Variants in NADK2 observed in about 807,000 individuals in gnomAD.
NADK2 encodes NAD kinase 2, mitochondrial.
Under a neutral mutation model 62.1 loss-of-function variants are expected in NADK2, and 35 were observed. The observed-to-expected ratio is 0.56, with a 90% CI of 0.43 to 0.75. NADK2 has a LOEUF of 0.75. Among genes scored for constraint, NADK2 ranks in the 30% least tolerant of loss-of-function variants. The pLI is 0.00. For missense variants in NADK2, 439 were observed against 561.3 expected (o/e 0.78, Z 2.20); for synonymous variants, 205 against 207.9 (o/e 0.99, Z 0.12).
chr5:36,241,838 C>CA lies in NADK2; in HGVS notation c.-41_-40insT. On this transcript the variant is annotated 5_prime_UTR_variant, in exon 1 of 12. The change creates a new upstream start codon in the 5' untranslated region. Transcript: ENST00000381937. The surrounding 1 kb of genome is among the most constrained non-coding windows in gnomAD (Gnocchi z 4.9). Reference sequence around the variant, plus strand: ...CGGCCGCGGGCTTGGGCTCGGGCCCCTTGCCTCAGCTCCCTACCGCCGGGA... The same window carrying CA: ...CGGCCGCGGGCTTGGGCTCGGGCCCCATTGCCTCAGCTCCCTACCGCCGGGA... 1.6e-6 allele frequency: 2 copies of CA among 1,257,400 alleles called. No individual in the cohort carries two copies. Among genetic ancestry groups the CA allele is most frequent in the Non-Finnish European group, 2.0e-6 (2 of 1,001,850 alleles). The allele number at this position is 1,257,400 out of a possible 1,614,324, so 77.9% of individuals were successfully genotyped here. A position where few individuals can be genotyped will look rare whatever the true frequency, so the allele number is the denominator to read the frequency against.
At chr5:36,223,138 G>A (rs1420115503) in intron 4 of NADK2, among the ~76,000 whole-genome samples, 1 of 151,922 alleles carries the variant, frequency 6.6e-6, no homozygotes, top group African/African-American at 2.4e-5. Flanking sequence ...GCTAAAACCA[G>A]GAAAGTTCCA....
Position 36,200,472 on chromosome 5 carries a change from G to GC in NADK2, c.1013-193dup, listed in dbSNP as rs796982658. Among the ~76,000 whole-genome samples, 35 of 151,588 alleles carry GC rather than the reference G, an allele frequency of 2.3e-4. No homozygotes were observed. In the East Asian group the frequency reaches 3.3e-3, roughly 14 times the overall value. On this transcript the variant is annotated intron_variant, in intron 9 of 11. Coordinates refer to ENST00000381937, the MANE Select transcript of NADK2 (RefSeq NM_001085411.3). ...AGCATATTATCATAAATAAACAGTAGCCCCCCCTCGCCCTTATTAGCACTT... is the reference window on the plus strand; with the variant it reads ...AGCATATTATCATAAATAAACAGTAGCCCCCCCCTCGCCCTTATTAGCACTT...
chr5:36,224,502 T>A (rs569669792), intron 4 of NADK2, among the ~76,000 whole-genome samples: 7 of 148,298 alleles, frequency 4.7e-5, no homozygotes, highest in South Asian at 2.1e-4. Flanking sequence ...GGTTGCAGTG[T>A]GCTGAGAGTG....
In NADK2 at chr5:36,193,125, T is replaced by C. The variant is rs896854525; in HGVS notation, c.*2019A>G. 3.3e-5 allele frequency: 5 copies of C among 152,266 alleles called. No individual in the cohort carries two copies. Among genetic ancestry groups the C allele is most frequent in the Middle Eastern group, 3.4e-3 (1 of 294 alleles). The allele number at this position is 152,266 out of a possible 1,614,324, so 9.4% of individuals were successfully genotyped here. A position where few individuals can be genotyped will look rare whatever the true frequency, so the allele number is the denominator to read the frequency against. On this transcript the variant is annotated 3_prime_UTR_variant, in exon 12 of 12. Coordinates refer to ENST00000381937, the MANE Select transcript of NADK2 (RefSeq NM_001085411.3). ...TATTAATATGTTACATATTAACAGA[T>C]CTATTTGGACAATCAGATTTCCTTG...
At chr5:36,213,636 T>TATATATATA (rs1554008804) in intron 6 of NADK2, among the ~76,000 whole-genome samples, 1 of 146,926 alleles carries the variant, frequency 6.8e-6, no homozygotes, top group East Asian at 1.9e-4. Context: ...TATATATGGA[T>TATATATATA]TTGATATGTT....
chr5:36,200,677 C>T (rs1215706134), intron 9 of NADK2, among the ~76,000 whole-genome samples: 1 of 151,962 alleles, frequency 6.6e-6, no homozygotes, highest in Non-Finnish European at 1.5e-5. Flanking sequence ...ATGAGTCATC[C>T]TTTTGTCCAG....
rs999584451 is a variant in NADK2, at chr5:36,241,245, C to T, written c.300+254G>A. On this transcript the variant is annotated intron_variant, in intron 1 of 11. Coordinates refer to ENST00000381937, the MANE Select transcript of NADK2 (RefSeq NM_001085411.3). This position sits in a 1 kb window ranked among gnomAD's most constrained non-coding sequence, Gnocchi z 4.9. ...CTTCGCCCTCCCCGCGGCGCCCCTG[C>T]CTCCTAAGTCCCTGCATGAACCACT... 2 of 577,546 alleles carry T rather than the reference C, an allele frequency of 3.5e-6. No homozygotes were observed. Among genetic ancestry groups the T allele is most frequent in the Non-Finnish European group, 5.0e-6 (2 of 402,364 alleles). 35.8% of individuals were successfully genotyped at this position (577,546 alleles called of 1,614,324 possible). A position where few individuals can be genotyped will look rare whatever the true frequency, so the allele number is the denominator to read the frequency against.
chr5:36,238,716 G>A (rs1198284272), intron 1 of NADK2, among the ~76,000 whole-genome samples: 1 of 152,114 alleles, frequency 6.6e-6, no homozygotes, highest in Non-Finnish European at 1.5e-5. Context: ...CCTTTGAAAG[G>A]TCATGAGACA....
intron 1 of NADK2, among the ~76,000 whole-genome samples, chr5:36,239,502 G>C (rs1361928274): frequency 6.6e-6 from 1 of 152,064 alleles, no homozygotes; most frequent in Non-Finnish European, 1.5e-5. Flanking sequence ...CTTCAAAGCT[G>C]GCTTATCCCA....
chr5:36,215,923 A>C (rs1747025500), intron 6 of NADK2, among the ~76,000 whole-genome samples: 1 of 152,134 alleles, frequency 6.6e-6, no homozygotes, highest in African/African-American at 2.4e-5. Flanking sequence ...TCTCTTTGCT[A>C]TACTGATTTC....
At chr5:36,215,755 T>C (rs1747018898) in intron 6 of NADK2, among the ~76,000 whole-genome samples, 1 of 152,240 alleles carries the variant, frequency 6.6e-6, no homozygotes, top group South Asian at 2.1e-4. Flanking sequence ...GTTCCATTCA[T>C]GTTGCTGCAA....
chr5:36,201,940 T>C (rs1746464494), intron 8 of NADK2, among the ~76,000 whole-genome samples: 1 of 152,066 alleles, frequency 6.6e-6, no homozygotes, highest in East Asian at 1.9e-4. Context: ...AAAGGTTGTT[T>C]TTTTAAAAAA....
chr5:36,235,009 C>G (rs1747849322), intron 1 of NADK2, among the ~76,000 whole-genome samples: 1 of 152,148 alleles, frequency 6.6e-6, no homozygotes, highest in Admixed American at 6.5e-5. Context: ...CAGGATCCAG[C>G]AGGATGCCTA....
Position 36,197,606 on chromosome 5 carries a change from G to A in NADK2, c.1125C>T (p.Phe375=). The change falls in exon 11 of 12, where the codon TTC becomes TTT. Residue 375 remains phenylalanine (F), a synonymous_variant. Transcript: ENST00000381937. ...LYSPEEPKIL[F]SIREPIANRV... is the part of the protein sequence containing the mutation. ...TATTTGCTATTGGTTCTCGAATACTGAAAAGTATTTTTGGTTCTTCCGGAC... is the reference window on the plus strand; with the variant it reads ...TATTTGCTATTGGTTCTCGAATACTAAAAAGTATTTTTGGTTCTTCCGGAC... The A allele has an allele frequency of 1.9e-6, 3 of 1,610,932 alleles. No homozygotes were observed. The highest frequency in any genetic ancestry group is 2.5e-6 in the Non-Finnish European group (3 of 1,178,360).
Position 36,194,978 on chromosome 5 carries a change from CT to C in NADK2, c.*165del. ...ATCCATTTTCTTATACAGTGAATGT[CT>C]TTTTTTCTATCAGAATCCAACAGAA... On this transcript the variant is annotated 3_prime_UTR_variant, in exon 12 of 12. Coordinates refer to ENST00000381937, the MANE Select transcript of NADK2 (RefSeq NM_001085411.3). 9 of 663,530 alleles carry C rather than the reference CT, an allele frequency of 1.4e-5. No individual in the cohort carries two copies. Among genetic ancestry groups the C allele is most frequent in the Non-Finnish European group, 1.7e-5 (7 of 419,792 alleles). 41.1% of individuals were successfully genotyped at this position (663,530 alleles called of 1,614,324 possible).
intron 6 of NADK2, among the ~76,000 whole-genome samples, chr5:36,213,864 C>A (rs188314733): frequency 1.4e-4 from 21 of 151,908 alleles, no homozygotes; most frequent in African/African-American, 4.8e-4. Flanking sequence ...GAAATATTAC[C>A]AGTAAATTTG....
intron 5 of NADK2, 116 bp downstream of exon 5, chr5:36,219,480 G>A (rs1747172506): frequency 3.6e-6 from 3 of 841,240 alleles, no homozygotes; most frequent in Middle Eastern, 2.3e-4. Context: ...CAAAGTACTG[G>A]GATTACAGGC....
At position 36,241,536 on chromosome 5, in the gene NADK2, C is replaced by G; in HGVS notation, c.263G>C (p.Arg88Pro). ...TRYEFEQQRY[R>P]YAELSEEDLK... ...GTCCTCCTCCGAGAGCTCCGCGTAACGGTACCGCTGCTGCTCGAACTCGTA... is the reference window on the plus strand; with the variant it reads ...GTCCTCCTCCGAGAGCTCCGCGTAAGGGTACCGCTGCTGCTCGAACTCGTA... The change falls in exon 1 of 12, where the codon CGT becomes CCT. Residue 88 changes from arginine to proline, a missense_variant. Coordinates refer to ENST00000381937, the MANE Select transcript of NADK2 (RefSeq NM_001085411.3). The surrounding 1 kb of genome is among the most constrained non-coding windows in gnomAD (Gnocchi z 4.9). 6.4e-7 allele frequency: 1 copy of G among 1,569,462 alleles called. No individual in the cohort carries two copies. Among genetic ancestry groups the G allele is most frequent in the Non-Finnish European group, 8.6e-7 (1 of 1,166,638 alleles).
At chr5:36,230,301 C>T (rs1261858545) in intron 1 of NADK2, among the ~76,000 whole-genome samples, 2 of 152,204 alleles carry the variant, frequency 1.3e-5, no homozygotes, top group African/African-American at 4.8e-5. Context: ...GCTTTCCATC[C>T]CTCCACCTAA....
Sources: gnomAD v4.1 joint callset for allele counts (sites outside exome capture counted in the v4.1 genomes callset) on GRCh38, gnomAD v4.1.1 for gene constraint, Gnocchi (gnomAD v3.1) non-coding constraint, MANE v1.5 for transcripts, NCBI Gene and HGNC (gene_info 2026-07-23, HGNC 2026-07-21) for gene names.